DNAAF5: variants seen among roughly 807,000 people sequenced by gnomAD.
The protein encoded by DNAAF5 is HEAT repeat containing 2.
Under a neutral mutation model 75.8 loss-of-function variants are expected in DNAAF5, and 64 were observed. The observed-to-expected ratio is 0.84, with a 90% CI of 0.69 to 1.04. The LOEUF (loss-of-function observed/expected upper bound fraction) is 1.04. DNAAF5 is among the 50% of genes least tolerant of loss of function. The pLI is 0.00. For missense variants in DNAAF5, 1,269 were observed against 1,178.5 expected, an observed-to-expected ratio of 1.08 and a Z score of -1.12; for synonymous variants, 657 against 557.2, an observed-to-expected ratio of 1.18 and a Z score of -2.52.
At chr7:731,454 C>T (rs1409715645) in intron 2 of DNAAF5, among the ~76,000 whole-genome samples, 1 of 152,166 alleles carries the variant, frequency 6.6e-6, no homozygotes. Context: ...AATACCATAA[C>T]TATGTGTCGA....
Position 779,999 on chromosome 7 carries a change from A to G in DNAAF5, c.2286A>G (p.Ala762=). The change falls in exon 12 of 13, where the codon GCA becomes GCG. Residue 762 remains alanine (A), a synonymous_variant. Transcript: ENST00000297440. ...LDDVSNDVRM[A]AASTLVTWLQ... is the part of the protein sequence containing the mutation. Reference sequence around the variant, plus strand: ...ACGTGTCCAACGATGTGAGGATGGCAGCCGCCTCCACCTTGGTCACCTGGC... The same window carrying G: ...ACGTGTCCAACGATGTGAGGATGGCGGCCGCCTCCACCTTGGTCACCTGGC... 1.2e-6 allele frequency: 2 copies of G among 1,614,202 alleles called. No individual in the cohort carries two copies. Among genetic ancestry groups the G allele is most frequent in the Non-Finnish European group, 1.7e-6 (2 of 1,180,028 alleles).
In DNAAF5 at chr7:773,978, C is replaced by G; in HGVS notation, c.1932-70C>G. ...TGGCTCCCCCCTCAGCCCCATTCAT[C>G]CCTAGTCTGAAACGTTTCTTCCGAG... On this transcript the variant is annotated intron_variant, in intron 9 of 12. Transcript: ENST00000297440. 21 of 1,575,994 alleles carry G rather than the reference C, an allele frequency of 1.3e-5. No homozygotes were observed. The South Asian group carries it at 2.2e-4, about 17-fold the overall frequency.
chr7:747,482 G>C (rs140366856), intron 4 of DNAAF5, among the ~76,000 whole-genome samples: 1,919 of 151,896 alleles, frequency 0.013, 35 homozygotes, highest in African/African-American at 0.04. Context: ...GGTGTTGGTG[G>C]GGTTTGCTGT....
At chr7:759,648 A>G (rs1394745819) in intron 6 of DNAAF5, among the ~76,000 whole-genome samples, 2 of 152,068 alleles carry the variant, frequency 1.3e-5, no homozygotes, top group African/African-American at 4.8e-5. Flanking sequence ...TGTGCGTTGT[A>G]TGTAGGCAGA....
Position 727,181 on chromosome 7 carries a change from A to G in DNAAF5, c.461A>G (p.Asp154Gly). 1.5e-6 allele frequency: 2 copies of G among 1,337,934 alleles called. No homozygotes were observed. Among genetic ancestry groups the G allele is most frequent in the South Asian group, 1.7e-5 (1 of 59,564 alleles). The allele number at this position is 1,337,934 out of a possible 1,614,324, so 82.9% of individuals were successfully genotyped here. ...ALVQLLGLAV[D>G]LCGAALAPHL... ...GTGCAGCTGCTGGGCCTGGCCGTGG[A>G]CCTGTGCGGCGCCGCGCTCGCGCCC... is the stretch of plus-strand genomic sequence containing the variant. The change falls in exon 1 of 13, where the codon GAC becomes GGC. Residue 154 changes from aspartate to glycine, a missense_variant. By Grantham distance (94) the Asp-to-Gly change is moderately conservative. Coordinates refer to ENST00000297440, the MANE Select transcript of DNAAF5 (RefSeq NM_017802.4).
intron 12 of DNAAF5, 117 bp downstream of exon 12, chr7:780,261 G>C: frequency 2.2e-6 from 2 of 903,116 alleles, no homozygotes; most frequent in Non-Finnish European, 3.4e-6. Context: ...AGGGGCCTCA[G>C]CTCCGGCCTG....
At chr7:732,532 C>T (rs1443699901) in intron 2 of DNAAF5, 3 of 456,046 alleles carry the variant, frequency 6.6e-6, no homozygotes, top group Non-Finnish European at 1.3e-5. Context: ...AGAGACCTTC[C>T]GGGAGCAACA....
At chr7:737,140 GGCTGGAGT>G (rs1781762737) in intron 2 of DNAAF5, among the ~76,000 whole-genome samples, 1 of 151,946 alleles carries the variant, frequency 6.6e-6, no homozygotes, top group Non-Finnish European at 1.5e-5. Flanking sequence ...CTGTCACCCA[GGCTGGAGT>G]GCAATGGCGC....
intron 4 of DNAAF5, among the ~76,000 whole-genome samples, chr7:746,829 C>G (rs1032908090): frequency 6.6e-6 from 1 of 152,234 alleles, no homozygotes; most frequent in African/African-American, 2.4e-5. Context: ...CAGAACTGCT[C>G]ATGGGCCCTG....
rs1442257044 is a variant in DNAAF5, at chr7:779,985, G to A, written c.2272G>A (p.Asp758Asn). ...LLKRLDDVSNDVRMAAASTLV... is the reference protein window; with the variant it reads ...LLKRLDDVSNNVRMAAASTLV... ...AAAACGCCTAGATGACGTGTCCAAC[G>A]ATGTGAGGATGGCAGCCGCCTCCAC... The change falls in exon 12 of 13, where the codon GAT becomes AAT. Residue 758 changes from aspartate (D) to asparagine (N), a missense_variant. Physicochemically the swap from Asp to Asn is conservative, Grantham distance 23. Coordinates refer to ENST00000297440, the MANE Select transcript of DNAAF5 (RefSeq NM_017802.4). 11 of 1,614,040 alleles carry A rather than the reference G, an allele frequency of 6.8e-6. No homozygotes were observed. The highest frequency in any genetic ancestry group is 6.7e-5 in the African/African-American group (5 of 74,924).
chr7:756,767 GTTTC>G lies in DNAAF5; in HGVS notation c.1258-9_1258-6del. 1.2e-6 allele frequency: 2 copies of G among 1,610,000 alleles called. No homozygotes were observed. ...CGGGTTTGGCTCTGAGTTTTCTCAT[GTTTC>G]TTTCTCGCAGTGTACCAGATCCGCA... On this transcript the variant is annotated splice_polypyrimidine_tract_variant and intron_variant, in intron 5 of 12. Transcript: ENST00000297440.
intron 4 of DNAAF5, among the ~76,000 whole-genome samples, chr7:745,724 G>A (rs867801504): frequency 1.3e-5 from 2 of 152,174 alleles, no homozygotes; most frequent in Non-Finnish European, 2.9e-5. Flanking sequence ...TCACACGTAC[G>A]TGTGTGTGCA....
intron 4 of DNAAF5, among the ~76,000 whole-genome samples, chr7:752,298 T>C (rs1233561977): frequency 6.6e-6 from 1 of 152,016 alleles, no homozygotes; most frequent in Non-Finnish European, 1.5e-5. Flanking sequence ...GGGCGAAGCC[T>C]TTGTGACAGT....
chr7:746,370 CACCCAACAT>C lies in DNAAF5; in HGVS notation c.1024+4906_1024+4914del, dbSNP rs1457743360. 2.0e-4 allele frequency among the ~76,000 whole-genome samples: 23 copies of C among 117,034 alleles called. 3 individuals carry two copies. Among genetic ancestry groups the C allele is most frequent in the Admixed American group, 5.0e-4 (6 of 12,006 alleles). The allele number at this position is 117,034 out of a possible 152,430, so 76.8% of individuals were successfully genotyped here. Reference sequence around the variant, plus strand: ...CCCTCCTTACCGTCCTGCTGCCCCCCACCCAACATGCCCAGGGCCTGTGACGCCCTCCTT... The same window carrying C: ...CCCTCCTTACCGTCCTGCTGCCCCCCGCCCAGGGCCTGTGACGCCCTCCTT... On this transcript the variant is annotated intron_variant, in intron 4 of 12. Coordinates refer to ENST00000297440, the MANE Select transcript of DNAAF5 (RefSeq NM_017802.4).
intron 8 of DNAAF5, among the ~76,000 whole-genome samples, chr7:764,740 C>A (rs1321203206): frequency 1.3e-5 from 2 of 152,146 alleles, no homozygotes; most frequent in Admixed American, 1.3e-4. Flanking sequence ...CAAAATTGTT[C>A]TTTGTCAGTT....
intron 9 of DNAAF5, chr7:771,834 C>A (rs1476333620): frequency 6.6e-6 from 1 of 152,248 alleles, no homozygotes; most frequent in Non-Finnish European, 1.5e-5. Context: ...CACATCTGGG[C>A]TGAGTTCCCA....
chr7:733,780 C>T (rs1044138878), intron 2 of DNAAF5, among the ~76,000 whole-genome samples: 3 of 152,216 alleles, frequency 2.0e-5, no homozygotes, highest in Non-Finnish European at 4.4e-5. Flanking sequence ...AGGTGTGAGC[C>T]ACTGCGCCTG....
chr7:762,933 T>C (rs1459085173), intron 7 of DNAAF5, among the ~76,000 whole-genome samples: 1 of 152,178 alleles, frequency 6.6e-6, no homozygotes, highest in Non-Finnish European at 1.5e-5. Context: ...AAAAATCTTT[T>C]AACCCCAACC....
intron 4 of DNAAF5, among the ~76,000 whole-genome samples, chr7:744,632 A>G (rs960363839): frequency 3.3e-5 from 5 of 152,264 alleles, no homozygotes; most frequent in Non-Finnish European, 7.3e-5. Context: ...TAGAATGGCA[A>G]TCATTAAAAA....
Sources: allele counts gnomAD v4.1 joint callset (sites outside exome capture counted in the v4.1 genomes callset), GRCh38; gene constraint gnomAD v4.1.1; transcripts MANE v1.5; gene names NCBI Gene and HGNC (gene_info 2026-07-23, HGNC 2026-07-21).